CSMD1: variants seen among roughly 807,000 people sequenced by gnomAD.
CSMD1 encodes the protein CUB and sushi domain-containing protein 1.
Under a neutral mutation model 417.5 loss-of-function variants are expected in CSMD1, and 213 were observed. That is an observed-to-expected ratio of 0.51 (90% CI 0.46 to 0.57). The LOEUF is 0.57. Ranked by LOEUF, CSMD1 falls within the 20% of genes least tolerant of loss-of-function variation. CSMD1 has a pLI of 0.00. For synonymous variants in CSMD1, 2,862 were observed against 1,736.8 expected (o/e 1.65, Z -16.11); for missense variants, 6,923 against 4,529.7 (o/e 1.53, Z -15.17).
At position 3,426,005 on chromosome 8, in the gene CSMD1, A is replaced by T. The variant is rs564393053; in HGVS notation, c.1562-16400T>A. Among the ~76,000 whole-genome samples the T allele has an allele frequency of 2.2e-3, 329 of 152,330 alleles. 3 individuals are homozygous for T. Among genetic ancestry groups the T allele is most frequent in the African/African-American group, 7.7e-3 (319 of 41,572 alleles). On this transcript the variant is annotated intron_variant, in intron 12 of 69. Coordinates refer to ENST00000635120, the MANE Select transcript of CSMD1 (RefSeq NM_033225.6). The stretch of plus-strand genomic sequence containing the variant: ...GTGAACAAAAAAGCTGGGTCTATGT[A>T]GAATCAGAAAGAATTATTTAAAAAA...
chr8:3,107,651 A>T, intron 45 of CSMD1, 67 bp downstream of exon 45: 1 of 870,658 alleles, frequency 1.1e-6, no homozygotes, highest in Non-Finnish European at 1.9e-6. Flanking sequence ...AGTAATGATT[A>T]CAATGAGAAG....
At chr8:3,231,509 G>T (rs1397494523) in intron 26 of CSMD1, among the ~76,000 whole-genome samples, 2 of 152,106 alleles carry the variant, frequency 1.3e-5, no homozygotes, top group African/African-American at 4.8e-5. Flanking sequence ...GCGTGTGTGT[G>T]CATATACATA....
intron 17 of CSMD1, among the ~76,000 whole-genome samples, chr8:3,393,659 A>G (rs921463667): frequency 2.0e-5 from 3 of 152,134 alleles, no homozygotes; most frequent in African/African-American, 7.2e-5. Context: ...GTATGCAACC[A>G]TAAAAATTGA....
intron 1 of CSMD1, among the ~76,000 whole-genome samples, chr8:4,877,359 T>A (rs1232233750): frequency 6.6e-6 from 1 of 152,116 alleles, no homozygotes; most frequent in Non-Finnish European, 1.5e-5. Context: ...TTATTTTACA[T>A]TTCTGTTTAT....
At chr8:3,330,207 T>A (rs1164411011) in intron 23 of CSMD1, among the ~76,000 whole-genome samples, 1 of 152,182 alleles carries the variant, frequency 6.6e-6, no homozygotes, top group African/African-American at 2.4e-5. Context: ...TTTCATTTTC[T>A]TAGAAACAAT....
At chr8:3,064,423 G>A (rs980928731) in intron 49 of CSMD1, among the ~76,000 whole-genome samples, 7 of 152,060 alleles carry the variant, frequency 4.6e-5, no homozygotes, top group African/African-American at 1.2e-4. Context: ...CTTCCCCTTC[G>A]CTTTCTGCCA....
chr8:3,644,993 T>TAAAAAAAAAAAAA (rs1797508021), intron 7 of CSMD1, among the ~76,000 whole-genome samples: 2 of 83,086 alleles, frequency 2.4e-5, no homozygotes, highest in African/African-American at 1.5e-4. Context: ...AAAAAAAAAG[T>TAAAAAAAAAAAAA]CAATTGTTCT....
Position 4,561,588 on chromosome 8 carries a change from G to T in CSMD1, c.302+75754C>A, listed in dbSNP as rs558945409. ...CCCCAGCTACTCAGGAGGCTGAAGT[G>T]GGAGGATCCCTTGAGCCCAGGAGAT... On this transcript the variant is annotated intron_variant, in intron 2 of 69. Transcript: ENST00000635120. Among the ~76,000 whole-genome samples the T allele has an allele frequency of 6.2e-4, 94 of 152,208 alleles. 1 individual carries two copies. The South Asian group carries it at 8.5e-3, about 14-fold the overall frequency.
chr8:3,798,904 G>C (rs1407978695), intron 5 of CSMD1, among the ~76,000 whole-genome samples: 1 of 151,946 alleles, frequency 6.6e-6, no homozygotes, highest in African/African-American at 2.4e-5. Flanking sequence ...AGGTGCAAAA[G>C]AAGAAATGTG....
At chr8:4,727,063 T>C (rs941526715) in intron 1 of CSMD1, among the ~76,000 whole-genome samples, 7 of 152,076 alleles carry the variant, frequency 4.6e-5, no homozygotes, top group African/African-American at 1.2e-4. Flanking sequence ...GAAACTGAGA[T>C]TGATGTCAGG....
chr8:3,841,915 A>G (rs1803162943), intron 5 of CSMD1, among the ~76,000 whole-genome samples: 1 of 151,962 alleles, frequency 6.6e-6, no homozygotes, highest in Non-Finnish European at 1.5e-5. Flanking sequence ...CCATGGGATG[A>G]TCTTCCCCTA....
intron 3 of CSMD1, among the ~76,000 whole-genome samples, chr8:4,247,079 C>T (rs1802759384): frequency 6.6e-6 from 1 of 152,168 alleles, no homozygotes; most frequent in South Asian, 2.1e-4. Context: ...AGGGCTACCC[C>T]ATGGGTTGTA....
intron 6 of CSMD1, 37 bp downstream of exon 6, chr8:3,753,893 T>A (rs765335206): frequency 2.2e-6 from 3 of 1,340,740 alleles, no homozygotes; most frequent in African/African-American, 1.5e-5. Flanking sequence ...TATTACGCTC[T>A]GTTTTTTTTT....
At chr8:3,496,275 A>G (rs544649991) in intron 10 of CSMD1, among the ~76,000 whole-genome samples, 2 of 152,246 alleles carry the variant, frequency 1.3e-5, no homozygotes, top group Admixed American at 6.5e-5. Flanking sequence ...AATCCTGCCT[A>G]TCCCCTTCAT....
intron 7 of CSMD1, among the ~76,000 whole-genome samples, chr8:3,681,461 A>G (rs945361556): frequency 2.0e-5 from 3 of 152,194 alleles, no homozygotes; most frequent in African/African-American, 7.2e-5. Context: ...AGAATAAAAT[A>G]CCTAGGAATC....
chr8:4,815,473 A>G (rs1012838009), intron 1 of CSMD1, among the ~76,000 whole-genome samples: 4 of 152,072 alleles, frequency 2.6e-5, no homozygotes, highest in African/African-American at 7.2e-5. Flanking sequence ...AGGTGGGAGC[A>G]TCACATGAGG....
At chr8:3,496,254 C>G (rs1027912052) in intron 10 of CSMD1, among the ~76,000 whole-genome samples, 1 of 152,204 alleles carries the variant, frequency 6.6e-6, no homozygotes, top group Admixed American at 6.5e-5. Context: ...GAAAGCCAGT[C>G]TCTTTGCCAA....
At chr8:4,418,397 G>C (rs995036840) in intron 3 of CSMD1, among the ~76,000 whole-genome samples, 1 of 152,086 alleles carries the variant, frequency 6.6e-6, no homozygotes, top group Non-Finnish European at 1.5e-5. Flanking sequence ...CCCAGAAATA[G>C]CCCAGAAATA....
At chr8:4,146,718 T>A (rs1486451154) in intron 3 of CSMD1, among the ~76,000 whole-genome samples, 1 of 142,492 alleles carries the variant, frequency 7.0e-6, no homozygotes, top group Non-Finnish European at 1.5e-5. Context: ...TTCACGCCAT[T>A]CTCCTGCCTC....
Sources: allele counts gnomAD v4.1 joint callset (sites outside exome capture counted in the v4.1 genomes callset), GRCh38; gene constraint gnomAD v4.1.1; transcripts MANE v1.5; gene names NCBI Gene and HGNC (gene_info 2026-07-23, HGNC 2026-07-21).